The following CTNND2 variants were observed in gnomAD, a reference collection of about 807,000 sequenced individuals.
CTNND2 encodes catenin delta-2.
In CTNND2, 22 loss-of-function variants were observed where a neutral mutation model predicts 144.4. That is an observed-to-expected ratio of 0.15 (90% confidence interval 0.11 to 0.22). The LOEUF (loss-of-function observed/expected upper bound fraction) is 0.22, where lower values mean the gene tolerates loss of function less well. CTNND2 is among the 10% of genes least tolerant of loss of function. The pLI is 1.00. For missense variants in CTNND2, 1,353 were observed against 1,618.8 expected, an observed-to-expected ratio of 0.84 and a Z score of 2.82; for synonymous variants, 751 against 695.6, an observed-to-expected ratio of 1.08 and a Z score of -1.25.
In CTNND2 at chr5:11,211,986, G is replaced by A. The variant is rs192327545; in HGVS notation, c.1762-12325C>T. Among the ~76,000 whole-genome samples, 10 of 151,956 alleles carry A rather than the reference G, an allele frequency of 6.6e-5. No individual in the cohort carries two copies. The East Asian group carries it at 1.5e-3, about 23-fold the overall frequency. ...GTCATCTCAAGACTTTCATTAAACC[G>A]GTAAAAATTGTATAGAATATAATTT... On this transcript the variant is annotated intron_variant, in intron 10 of 21. Coordinates refer to ENST00000304623, the MANE Select transcript of CTNND2 (RefSeq NM_001332.4).
intron 1 of CTNND2, among the ~76,000 whole-genome samples, chr5:11,836,300 A>C (rs1158560858): frequency 1.3e-5 from 2 of 152,206 alleles, no homozygotes; most frequent in African/African-American, 2.4e-5. Context: ...CCTAGATTCT[A>C]AGAGAAAACT....
chr5:11,022,525 T>C (rs1396062947), intron 17 of CTNND2, among the ~76,000 whole-genome samples: 1 of 152,158 alleles, frequency 6.6e-6, no homozygotes, highest in Non-Finnish European at 1.5e-5. Flanking sequence ...AATACCTTCA[T>C]GTATCCAGGT....
chr5:11,129,108 T>TATAC (rs1755167836), intron 12 of CTNND2, among the ~76,000 whole-genome samples: 1 of 22,840 alleles, frequency 4.4e-5, no homozygotes, highest in African/African-American at 1.9e-4. Flanking sequence ...AAATAAAATA[T>TATAC]ATATATTATA....
chr5:11,081,434 G>A (rs1418427544), intron 16 of CTNND2, among the ~76,000 whole-genome samples: 3 of 152,152 alleles, frequency 2.0e-5, no homozygotes, highest in East Asian at 3.9e-4. Context: ...AAAATGCTTA[G>A]GACCAGAAGT....
intron 3 of CTNND2, among the ~76,000 whole-genome samples, chr5:11,489,810 C>T (rs887911834): frequency 6.6e-6 from 1 of 152,152 alleles, no homozygotes; most frequent in Non-Finnish European, 1.5e-5. Context: ...ATTAGGAAAG[C>T]ATTTATCATC....
intron 3 of CTNND2, among the ~76,000 whole-genome samples, chr5:11,476,044 T>C (rs1767710072): frequency 6.6e-6 from 1 of 151,462 alleles, no homozygotes; most frequent in African/African-American, 2.4e-5. Flanking sequence ...ATTTTTTTTT[T>C]TTTTTTTGTA....
intron 1 of CTNND2, among the ~76,000 whole-genome samples, chr5:11,778,626 A>G (rs1790381127): frequency 1.3e-5 from 2 of 152,198 alleles, no homozygotes; most frequent in African/African-American, 4.8e-5. Context: ...AGGTTATCAA[A>G]AGCAAGCGAA....
At chr5:11,356,688 T>C (rs551897005) in intron 8 of CTNND2, among the ~76,000 whole-genome samples, 1 of 151,914 alleles carries the variant, frequency 6.6e-6, no homozygotes, top group African/African-American at 2.4e-5. Context: ...AAACCAAAAA[T>C]AGACGAATTA....
chr5:11,482,552 G>A (rs1561457901), intron 3 of CTNND2, among the ~76,000 whole-genome samples: 2 of 152,054 alleles, frequency 1.3e-5, no homozygotes, highest in South Asian at 2.1e-4. Flanking sequence ...GTGAGGAAGC[G>A]GCCAGCAAGC....
intron 3 of CTNND2, among the ~76,000 whole-genome samples, chr5:11,549,178 ATCAT>A (rs1775535856): frequency 6.6e-6 from 1 of 152,174 alleles, no homozygotes; most frequent in African/African-American, 2.4e-5. Context: ...AGGTCTTGCT[ATCAT>A]CCCTGCTAAG....
At chr5:11,773,435 C>G (rs1790060703) in intron 1 of CTNND2, among the ~76,000 whole-genome samples, 1 of 152,182 alleles carries the variant, frequency 6.6e-6, no homozygotes, top group African/African-American at 2.4e-5. Flanking sequence ...GCCAATGTAG[C>G]CTTAGCCCCA....
chr5:11,033,213 T>C (rs1398401471), intron 16 of CTNND2, among the ~76,000 whole-genome samples: 2 of 152,232 alleles, frequency 1.3e-5, no homozygotes, highest in African/African-American at 4.8e-5. Context: ...TATCCCCTGG[T>C]TCAATCCACA....
chr5:11,437,014 C>T lies in CTNND2; in HGVS notation c.288-24945G>A, dbSNP rs1763835640. On this transcript the variant is annotated intron_variant, in intron 3 of 21. Coordinates refer to ENST00000304623, the MANE Select transcript of CTNND2 (RefSeq NM_001332.4). ...AATATTGAAATAAACTCACTAGTTT[C>T]TCTGAAATGTTCTGGAGTACCAACT... Among the ~76,000 whole-genome samples, 3 of 152,276 alleles carry T rather than the reference C, an allele frequency of 2.0e-5. No individual in the cohort carries two copies. In the South Asian group the frequency reaches 6.2e-4, roughly 32 times the overall value.
intron 1 of CTNND2, among the ~76,000 whole-genome samples, chr5:11,742,032 G>A (rs1221462962): frequency 2.0e-5 from 3 of 151,400 alleles, no homozygotes; most frequent in Non-Finnish European, 4.4e-5. Flanking sequence ...TAATACAATG[G>A]ACTTTGGGGA....
Position 11,488,545 on chromosome 5 carries a change from A to T in CTNND2, c.287+76399T>A, listed in dbSNP as rs188148151. On this transcript the variant is annotated intron_variant, in intron 3 of 21. Coordinates refer to ENST00000304623, the MANE Select transcript of CTNND2 (RefSeq NM_001332.4). ...TAGCTTCTTAAGCAGCTTAAGTAAA[A>T]ACATGATTGAAAAGAATATTTTAAA... Among the ~76,000 whole-genome samples, 43 of 152,334 alleles carry T rather than the reference A, an allele frequency of 2.8e-4. No homozygotes were observed. In the East Asian group the frequency reaches 7.9e-3, roughly 28 times the overall value.
chr5:11,161,055 T>C lies in CTNND2; in HGVS notation c.1976-1296A>G, dbSNP rs547974116. Among the ~76,000 whole-genome samples the C allele has an allele frequency of 2.0e-5, 3 of 152,362 alleles. No individual in the cohort carries two copies. The East Asian group carries it at 5.8e-4, about 29-fold the overall frequency. ...GAATGCAAAGGAAACAAAATGTTTT[T>C]AGTGCCCAGCATGCATAAAATAATC... On this transcript the variant is annotated intron_variant, in intron 11 of 21. Coordinates refer to ENST00000304623, the MANE Select transcript of CTNND2 (RefSeq NM_001332.4).
chr5:11,554,965 A>C (rs1366889675), intron 3 of CTNND2, among the ~76,000 whole-genome samples: 2 of 151,660 alleles, frequency 1.3e-5, no homozygotes, highest in African/African-American at 4.8e-5. Context: ...ATAACATAAA[A>C]AAATGAATAA....
intron 1 of CTNND2, among the ~76,000 whole-genome samples, chr5:11,891,178 T>C (rs1205624862): frequency 6.6e-6 from 1 of 152,218 alleles, no homozygotes; most frequent in Non-Finnish European, 1.5e-5. Flanking sequence ...TGTTAATAAA[T>C]ACAGACATGT....
At chr5:11,324,950 C>CTTT (rs11381791) in intron 9 of CTNND2, among the ~76,000 whole-genome samples, 109 of 146,674 alleles carry the variant, frequency 7.4e-4, no homozygotes, top group Non-Finnish European at 1.3e-3. Context: ...ATGCATTATC[C>CTTT]TTTTTTTTTT....
Sources: gnomAD v4.1 joint callset for allele counts (sites outside exome capture counted in the v4.1 genomes callset) on GRCh38, gnomAD v4.1.1 for gene constraint, MANE v1.5 for transcripts, NCBI Gene and HGNC (gene_info 2026-07-23, HGNC 2026-07-21) for gene names.